The following RBM19 variants were observed in gnomAD, a reference collection of about 807,000 sequenced individuals.
RBM19 encodes RNA binding motif protein 19.
In RBM19, 94 loss-of-function variants were observed where a neutral mutation model predicts 116.8. That is an observed-to-expected ratio of 0.80 (90% CI 0.68 to 0.95). The LOEUF is 0.95. Ranked by LOEUF, RBM19 falls within the 40% of genes least tolerant of loss-of-function variation. The pLI, the probability that RBM19 is intolerant of heterozygous loss-of-function variation, is 0.00. For synonymous variants in RBM19, 475 were observed against 494.1 expected, an observed-to-expected ratio of 0.96 and a Z score of 0.51; for missense variants, 1,161 against 1,220.7, an observed-to-expected ratio of 0.95 and a Z score of 0.73.
chr12:113,942,594 C>CT (rs71443067), intron 13 of RBM19, among the ~76,000 whole-genome samples, 160 bp from the exon 14 acceptor site: 21,801 of 125,718 alleles, frequency 0.17, 2,003 homozygotes, highest in South Asian at 0.24. Context: ...CGGCTCTGTG[C>CT]TTTTTTTTTT....
intron 21 of RBM19, among the ~76,000 whole-genome samples, chr12:113,867,459 G>A (rs41433646): frequency 0.018 from 2,690 of 152,272 alleles, 91 homozygotes; most frequent in African/African-American, 0.061. Context: ...TCCAGGGGGC[G>A]TGGATTTTAA....
At chr12:113,899,872 G>A (rs1431898052) in intron 21 of RBM19, among the ~76,000 whole-genome samples, 2 of 152,046 alleles carry the variant, frequency 1.3e-5, no homozygotes, top group African/African-American at 4.8e-5. Flanking sequence ...AGCCAACGGC[G>A]GCCCTCCGAG....
intron 21 of RBM19, among the ~76,000 whole-genome samples, chr12:113,912,307 CAG>C (rs1566012344): frequency 6.6e-6 from 1 of 152,234 alleles, no homozygotes; most frequent in Non-Finnish European, 1.5e-5. Context: ...TGGTCCCCCA[CAG>C]AGAGACCTGA....
intron 23 of RBM19, among the ~76,000 whole-genome samples, chr12:113,836,303 C>T (rs1875880948): frequency 6.6e-6 from 1 of 152,180 alleles, no homozygotes; most frequent in African/African-American, 2.4e-5. Flanking sequence ...GTCTGTCTTG[C>T]TATTCCCTTT....
At chr12:113,819,408 G>A (rs1039213232), downstream of RBM19, among the ~76,000 whole-genome samples, 5 of 152,116 alleles carry the variant, frequency 3.3e-5, no homozygotes, top group Non-Finnish European at 7.4e-5. Context: ...CCGGCTCTCT[G>A]GTGACCATAT....
intron 23 of RBM19, among the ~76,000 whole-genome samples, chr12:113,826,071 G>C (rs190357880): frequency 6.6e-6 from 1 of 152,292 alleles, no homozygotes; most frequent in African/African-American, 2.4e-5. Context: ...CCACCTCAGG[G>C]CCTTGCACCT....
intron 23 of RBM19, among the ~76,000 whole-genome samples, chr12:113,827,610 A>G (rs1874990747): frequency 6.6e-6 from 1 of 151,848 alleles, no homozygotes; most frequent in African/African-American, 2.4e-5. Flanking sequence ...AAGCCGGGGG[A>G]GAAGAGCGTG....
At chr12:113,872,198 G>C (rs1333259536) in intron 21 of RBM19, among the ~76,000 whole-genome samples, 2 of 147,720 alleles carry the variant, frequency 1.4e-5, no homozygotes, top group African/African-American at 4.9e-5. Flanking sequence ...GATGTGAGGA[G>C]CGCCTCTGCC....
intron 23 of RBM19, among the ~76,000 whole-genome samples, chr12:113,836,006 C>T (rs777848652): frequency 8.5e-5 from 13 of 152,206 alleles, no homozygotes; most frequent in Non-Finnish European, 1.6e-4. Flanking sequence ...TGTGGCCTGC[C>T]GCGGCCCTGA....
At chr12:113,904,124 C>A (rs568383280) in intron 21 of RBM19, among the ~76,000 whole-genome samples, 1 of 152,306 alleles carries the variant, frequency 6.6e-6, no homozygotes, top group African/African-American at 2.4e-5. Context: ...TGCTCATCTT[C>A]CAGGTGGCTC....
chr12:113,887,634 C>CAAA lies in RBM19; in HGVS notation c.2558+27332_2558+27334dup, dbSNP rs35665613. Among the ~76,000 whole-genome samples the CAAA allele has an allele frequency of 6.7e-3, 476 of 71,008 alleles. 12 individuals carry two copies. The highest frequency in any genetic ancestry group is 0.023 in the African/African-American group (378 of 16,734). The allele number at this position is 71,008 out of a possible 152,430, so 46.6% of individuals were successfully genotyped here. ...TGAGCAACAGAGCAAGACTCCATCT[C>CAAA]AAAAAAAAAAAAAAAAAGAAAAAAG... On this transcript the variant is annotated intron_variant, in intron 21 of 23. Coordinates refer to ENST00000261741, the MANE Select transcript of RBM19 (RefSeq NM_016196.4).
intron 16 of RBM19, among the ~76,000 whole-genome samples, chr12:113,932,182 C>G (rs1869664019): frequency 6.6e-6 from 1 of 152,212 alleles, no homozygotes; most frequent in African/African-American, 2.4e-5. Flanking sequence ...CATGTGTGAC[C>G]TTGCTCAAGT....
At chr12:113,893,808 T>C (rs569302918) in intron 21 of RBM19, among the ~76,000 whole-genome samples, 27 of 152,132 alleles carry the variant, frequency 1.8e-4, no homozygotes, top group Admixed American at 3.3e-4. Context: ...TGACATTGAG[T>C]AAAGTGAAAA....
At chr12:113,889,904 C>A (rs1593539130) in intron 21 of RBM19, among the ~76,000 whole-genome samples, 1 of 149,748 alleles carries the variant, frequency 6.7e-6, no homozygotes, top group South Asian at 2.1e-4. Context: ...AAAAAAAAAA[C>A]AAAGAAAAGG....
rs138018048 is a variant in RBM19 at position 113,847,695 on chromosome 12, G to A, written c.2665-2907C>T. Among the ~76,000 whole-genome samples the A allele has an allele frequency of 2.6e-5, 4 of 152,282 alleles. No individual in the cohort carries two copies. The East Asian group carries it at 7.7e-4, about 29-fold the overall frequency. ...TCTCAAGAACGGAATAAGATCCCAG[G>A]AGGTAGGTCCGGGTGAGAGGCCCCA... On this transcript the variant is annotated intron_variant, in intron 22 of 23. Coordinates refer to ENST00000261741, the MANE Select transcript of RBM19 (RefSeq NM_016196.4).
intron 23 of RBM19, among the ~76,000 whole-genome samples, chr12:113,826,140 T>C (rs1874840657): frequency 6.6e-6 from 1 of 152,188 alleles, no homozygotes; most frequent in South Asian, 2.1e-4. Context: ...GCCTTACCTT[T>C]TCAGTGAAGC....
chr12:113,959,421 C>T lies in RBM19; in HGVS notation c.379-17G>A, dbSNP rs749398214. The T allele has an allele frequency of 6.3e-7, 1 of 1,593,718 alleles. No homozygotes were observed. Among genetic ancestry groups the T allele is most frequent in the East Asian group, 2.3e-5 (1 of 44,328 alleles). ...CTCCTTCAGCTGGTGGCACCAGAAC[C>T]CGGGCGGCAGGGACACGGGAAAAAG... On this transcript the variant is annotated splice_polypyrimidine_tract_variant and intron_variant, in intron 4 of 23. Coordinates refer to ENST00000261741, the MANE Select transcript of RBM19 (RefSeq NM_016196.4).
At chr12:113,842,086 T>C (rs1876535739) in intron 23 of RBM19, among the ~76,000 whole-genome samples, 1 of 152,232 alleles carries the variant, frequency 6.6e-6, no homozygotes, top group African/African-American at 2.4e-5. Context: ...GTTACTGTTA[T>C]CATTCTATCT....
intron 22 of RBM19, among the ~76,000 whole-genome samples, chr12:113,849,138 C>T (rs1877241721): frequency 3.3e-5 from 5 of 152,204 alleles, no homozygotes; most frequent in Admixed American, 1.3e-4. Context: ...CAGGCAACAG[C>T]CAGGCACCCT....
Sources: gnomAD v4.1 joint callset for allele counts (sites outside exome capture counted in the v4.1 genomes callset) on GRCh38, gnomAD v4.1.1 for gene constraint, MANE v1.5 for transcripts, NCBI Gene and HGNC (gene_info 2026-07-23, HGNC 2026-07-21) for gene names.